Variants in XCL1 observed in about 807,000 individuals in gnomAD.
XCL1 encodes X-C motif chemokine ligand 1.
XCL1 carries 6 observed loss-of-function variants against 7.4 expected under a neutral mutation model. The ratio of observed to expected loss-of-function variants is 0.82; its 90% CI spans 0.45 to 1.61. The LOEUF is 1.61. Among genes scored for constraint, XCL1 ranks in the 40% most tolerant of loss-of-function variants. The pLI, the probability that XCL1 is intolerant of heterozygous loss-of-function variation, is 0.01. For synonymous variants in XCL1, 48 were observed against 52.4 expected (o/e 0.92, Z 0.36); for missense variants, 122 against 138.2 (o/e 0.88, Z 0.59).
intron 2 of XCL1, among the ~76,000 whole-genome samples, chr1:168,580,597 A>G (rs552023995): frequency 6.8e-4 from 104 of 152,300 alleles, no homozygotes; most frequent in African/African-American, 2.3e-3. Flanking sequence ...CACAACCTAC[A>G]TGGTCCCTTT....
At chr1:168,578,862 C>T in intron 1 of XCL1, 1 of 404,008 alleles carries the variant, frequency 2.5e-6, no homozygotes, top group Non-Finnish European at 4.7e-6. Context: ...CTGGATGTCC[C>T]AGTCTTGCCT....
chr1:168,579,464 C>G (rs1366382304), intron 1 of XCL1: 1 of 182,676 alleles, frequency 5.5e-6, no homozygotes, highest in African/African-American at 2.4e-5. Flanking sequence ...CAGAGAGAGA[C>G]ATTTGACCAT....
chr1:168,576,775 G>T, intron 1 of XCL1, 77 bp downstream of exon 1: 1 of 1,604,300 alleles, frequency 6.2e-7, no homozygotes, highest in South Asian at 1.1e-5. Context: ...TTTGACTCAG[G>T]TTATGACTGG....
intron 2 of XCL1, among the ~76,000 whole-genome samples, 155 bp from the exon 3 acceptor site, chr1:168,580,897 A>C (rs1329797072): frequency 1.3e-5 from 2 of 152,200 alleles, no homozygotes; most frequent in Non-Finnish European, 2.9e-5. Context: ...TAGATGGCAG[A>C]AGAAGGGTAC....
chr1:168,581,989 A>T lies in XCL1; in HGVS notation c.*769A>T, dbSNP rs2101838755. The stretch of plus-strand genomic sequence containing the variant: ...ACTGCGAATAAGCTTTTAATGCTCC[A>T]AATGCTGACCCATGCAATATTTCCT... On this transcript the variant is annotated 3_prime_UTR_variant, in exon 3 of 3. Transcript: ENST00000367818. 6.6e-6 allele frequency: 1 copy of T among 152,332 alleles called. No individual in the cohort carries two copies. The highest frequency in any genetic ancestry group is 1.5e-5 in the Non-Finnish European group (1 of 68,028). The allele number at this position is 152,332 out of a possible 1,614,324, so 9.4% of individuals were successfully genotyped here. A position where few individuals can be genotyped will look rare whatever the true frequency, so the allele number is the denominator to read the frequency against.
chr1:168,581,318 T>C lies in XCL1; in HGVS notation c.*98T>C. 3 of 1,445,450 alleles carry C rather than the reference T, an allele frequency of 2.1e-6. No individual in the cohort carries two copies. Among genetic ancestry groups the C allele is most frequent in the Non-Finnish European group, 2.8e-6 (3 of 1,084,018 alleles). 89.5% of individuals were successfully genotyped at this position (1,445,450 alleles called of 1,614,324 possible). A position where few individuals can be genotyped will look rare whatever the true frequency, so the allele number is the denominator to read the frequency against. On this transcript the variant is annotated 3_prime_UTR_variant, in exon 3 of 3. Coordinates refer to ENST00000367818, the MANE Select transcript of XCL1 (RefSeq NM_002995.3). ...ACTCACCTTTTATGAAAGCACTGCA[T>C]GAATAAAATTATTCCTTTGTATTTT... is the stretch of plus-strand genomic sequence containing the variant.
chr1:168,576,976 T>C (rs1330555696), intron 1 of XCL1, among the ~76,000 whole-genome samples: 3 of 151,940 alleles, frequency 2.0e-5, no homozygotes, highest in Non-Finnish European at 4.4e-5. Context: ...TATTTATGTA[T>C]AACTGAATAG....
In XCL1 at chr1:168,580,899, G is replaced by T. The variant is rs148262095; in HGVS notation, c.177-153G>T. Among the ~76,000 whole-genome samples, 960 of 152,302 alleles carry T rather than the reference G, an allele frequency of 6.3e-3. 5 individuals are homozygous for T. The highest frequency in any genetic ancestry group is 0.011 in the Non-Finnish European group (723 of 68,028). On this transcript the variant is annotated intron_variant, in intron 2 of 2. Coordinates refer to ENST00000367818, the MANE Select transcript of XCL1 (RefSeq NM_002995.3). ...CTTTATGTTAAAATAGATGGCAGAAGAAGGGTACTCATTTATGATCTCATG... is the reference window on the plus strand; with the variant it reads ...CTTTATGTTAAAATAGATGGCAGAATAAGGGTACTCATTTATGATCTCATG...
intron 2 of XCL1, among the ~76,000 whole-genome samples, 187 bp downstream of exon 2, chr1:168,580,364 G>A (rs1478272022): frequency 6.6e-6 from 1 of 152,212 alleles, no homozygotes; most frequent in Non-Finnish European, 1.5e-5. Context: ...AGCGATTATT[G>A]CAGAAATTGG....
At chr1:168,578,043 C>T (rs1269593371) in intron 1 of XCL1, among the ~76,000 whole-genome samples, 1 of 152,158 alleles carries the variant, frequency 6.6e-6, no homozygotes, top group Non-Finnish European at 1.5e-5. Context: ...ACAGGATTCC[C>T]TGAGTCTTAG....
chr1:168,577,464 A>G (rs1324773461), intron 1 of XCL1, among the ~76,000 whole-genome samples: 2 of 152,186 alleles, frequency 1.3e-5, no homozygotes, highest in Non-Finnish European at 2.9e-5. Flanking sequence ...TAAGATTCAG[A>G]TATACCGAGC....
At chr1:168,578,700 G>A in intron 1 of XCL1, 1 of 329,618 alleles carries the variant, frequency 3.0e-6, no homozygotes, top group South Asian at 2.9e-5. Flanking sequence ...TTCCAGCTTG[G>A]CATTGTGAGC....
In XCL1 at chr1:168,581,119, A is replaced by G. The variant is rs1655156479; in HGVS notation, c.244A>G (p.Arg82Gly). 6.2e-7 allele frequency: 1 copy of G among 1,613,742 alleles called. No individual in the cohort carries two copies. Among genetic ancestry groups the G allele is most frequent in the Non-Finnish European group, 8.5e-7 (1 of 1,179,788 alleles). ...PQATWVRDVV[R>G]SMDRKSNTRN... ...AGCCACATGGGTGAGAGACGTGGTC[A>G]GGAGCATGGACAGGAAATCCAACAC... The change falls in exon 3 of 3, where the codon AGG becomes GGG. Residue 82 changes from arginine to glycine, a missense_variant. Transcript: ENST00000367818.
intron 1 of XCL1, among the ~76,000 whole-genome samples, chr1:168,578,495 C>G (rs1478181144): frequency 6.6e-6 from 1 of 152,184 alleles, no homozygotes; most frequent in Non-Finnish European, 1.5e-5. Flanking sequence ...TAAGATGATT[C>G]TCTACACTTA....
In XCL1 at chr1:168,581,032, G is replaced by C. The variant is rs752296229; in HGVS notation, c.177-20G>C. 2 of 1,612,300 alleles carry C rather than the reference G, an allele frequency of 1.2e-6. No individual in the cohort carries two copies. The highest frequency in any genetic ancestry group is 2.7e-5 in the African/African-American group (2 of 74,994). On this transcript the variant is annotated intron_variant, in intron 2 of 2. Coordinates refer to ENST00000367818, the MANE Select transcript of XCL1 (RefSeq NM_002995.3). ...TTTGAGAATGTGGCTAACTTCGTCT[G>C]TCTTTTCCTTGCGTTACAGTTTTAT...
At chr1:168,578,794 A>C in intron 1 of XCL1, 1 of 465,170 alleles carries the variant, frequency 2.1e-6, no homozygotes, top group South Asian at 1.6e-5. Flanking sequence ...AGCTTAGCCA[A>C]AGCTCCTTTG....
chr1:168,581,009 T>C, intron 2 of XCL1, 43 bp from the exon 3 acceptor site: 1 of 1,605,336 alleles, frequency 6.2e-7, no homozygotes, highest in East Asian at 2.2e-5. Flanking sequence ...CCTGAGGCTT[T>C]GAGAATGTGG....
chr1:168,580,658 T>C (rs1258985923), intron 2 of XCL1, among the ~76,000 whole-genome samples: 1 of 152,206 alleles, frequency 6.6e-6, no homozygotes, highest in African/African-American at 2.4e-5. Flanking sequence ...CAACATGTAA[T>C]TGCAAGCTTT....
chr1:168,579,924 T>A (rs1655115712), intron 1 of XCL1, 139 bp from the exon 2 acceptor site: 1 of 713,510 alleles, frequency 1.4e-6, no homozygotes, highest in African/African-American at 1.8e-5. Context: ...TCGGGATGCC[T>A]ATCAGTCCTC....
Sources: allele counts gnomAD v4.1 joint callset (sites outside exome capture counted in the v4.1 genomes callset), GRCh38; gene constraint gnomAD v4.1.1; transcripts MANE v1.5; gene names NCBI Gene and HGNC (gene_info 2026-07-23, HGNC 2026-07-21).